AMER2: variants seen among roughly 807,000 people sequenced by gnomAD.
AMER2 encodes the protein APC membrane recruitment protein 2, also known as family with sequence similarity 123A.
In AMER2, 1 loss-of-function variant was observed where a neutral mutation model predicts 4.7. That is an observed-to-expected ratio of 0.21 (90% CI 0.07 to 1.00). The LOEUF (loss-of-function observed/expected upper bound fraction) is 1.00. Ranked by LOEUF, AMER2 falls within the 50% of genes least tolerant of loss-of-function variation. AMER2 has a pLI of 0.60. For synonymous variants in AMER2, 485 were observed against 433.3 expected (o/e 1.12, Z -1.48); for missense variants, 988 against 966.9 (o/e 1.02, Z -0.29).
chr13:25,169,638 G>A lies in AMER2; in HGVS notation c.1982C>T (p.Ala661Val). 2 of 1,607,314 alleles carry A rather than the reference G, an allele frequency of 1.2e-6. No individual in the cohort carries two copies. The highest frequency in any genetic ancestry group is 1.1e-5 in the South Asian group (1 of 89,768). ...NRGLAGTTIRATACHDSAKKL is the reference protein window; with the variant it reads ...NRGLAGTTIRVTACHDSAKKL ...TTTGGCACTGTCGTGGCAGGCCGTT[G>A]CTCTGATGGTGGTCCCAGCCAAGCC... is the stretch of plus-strand genomic sequence containing the variant. The change falls in exon 1 of 1, where the codon GCA becomes GTA. Residue 661 changes from alanine (A) to valine (V), a missense_variant. By Grantham distance (64) the Ala-to-Val change is moderately conservative. Coordinates refer to ENST00000515384, the MANE Select transcript of AMER2 (RefSeq NM_152704.4). This position sits in a 1 kb window ranked among gnomAD's most constrained non-coding sequence, Gnocchi z 4.2.
rs759614388 is a variant in AMER2, at chr13:25,171,505, GGGTCCC to G, written c.109_114del (p.Gly37_Thr38del). ...CAATGCAAGTCCATGTCTGCCGCGA[GGGTCCC>G]GGTCCCGGCCCCGGCCTCCGCCTTC... On this transcript the variant is annotated inframe_deletion, in exon 1 of 1. Transcript: ENST00000515384. The surrounding 1 kb of genome is among the most constrained non-coding windows in gnomAD (Gnocchi z 5.9). The G allele has an allele frequency of 3.7e-5, 60 of 1,603,828 alleles. No individual in the cohort carries two copies. Among genetic ancestry groups the G allele is most frequent in the Non-Finnish European group, 4.7e-5 (55 of 1,177,940 alleles).
In AMER2 at chr13:25,170,837, A is replaced by G; in HGVS notation, c.783T>C (p.Gly261=). The part of the protein sequence containing the change: ...PSQDAPRDPA[G]EPAGGEEVPA... ...GCACCTCCTCTCCCCCTGCGGGCTC[A>G]CCTGCTGGGTCTCGCGGGGCGTCCT... is the stretch of plus-strand genomic sequence containing the variant. The change falls in exon 1 of 1, where the codon GGT becomes GGC. Residue 261 remains glycine, a synonymous_variant. Transcript: ENST00000515384. The surrounding 1 kb of genome is among the most constrained non-coding windows in gnomAD (Gnocchi z 7.3). The G allele has an allele frequency of 7.0e-7, 1 of 1,434,754 alleles. No homozygotes were observed. The highest frequency in any genetic ancestry group is 9.1e-7 in the Non-Finnish European group (1 of 1,103,208). The allele number at this position is 1,434,754 out of a possible 1,614,324, so 88.9% of individuals were successfully genotyped here.
Position 25,164,782 on chromosome 13 carries a change from G to C in AMER2, c.*4822C>G, listed in dbSNP as rs1282717508. On this transcript the variant is annotated 3_prime_UTR_variant, in exon 1 of 1. Transcript: ENST00000515384. The stretch of plus-strand genomic sequence containing the variant: ...CCATTGTTACATTTACTATTTTTTA[G>C]AGGCATTTGTGTGGCTTAATTCATA... The C allele has an allele frequency of 1.3e-5, 2 of 152,126 alleles. No individual in the cohort carries two copies. Among genetic ancestry groups the C allele is most frequent in the Non-Finnish European group, 1.5e-5 (1 of 68,048 alleles). The allele number at this position is 152,126 out of a possible 1,614,324, so 9.4% of individuals were successfully genotyped here. A position where few individuals can be genotyped will look rare whatever the true frequency, so the allele number is the denominator to read the frequency against.
rs1252829016 is a variant in AMER2 at position 25,165,439 on chromosome 13, ACTACCC to A, written c.*4159_*4164del. 1 of 152,270 alleles carries A rather than the reference ACTACCC, an allele frequency of 6.6e-6. No homozygotes were observed. Among genetic ancestry groups the A allele is most frequent in the East Asian group, 1.9e-4 (1 of 5,200 alleles). 9.4% of individuals were successfully genotyped at this position (152,270 alleles called of 1,614,324 possible). On this transcript the variant is annotated 3_prime_UTR_variant, in exon 1 of 1. Transcript: ENST00000515384. ...GCTCTGTAAGACACTCGTCTACCAT[ACTACCC>A]CTTTGGTTCCAAACTGCTTCATAAA...
rs1349890876 is a variant in AMER2, at chr13:25,171,147, G to C, written c.473C>G (p.Ala158Gly). Residue 158 changes from alanine to glycine, a missense_variant, in exon 1 of 1, where the codon GCC (alanine) becomes GGC (glycine). Coordinates refer to ENST00000515384, the MANE Select transcript of AMER2 (RefSeq NM_152704.4). The surrounding 1 kb of genome is among the most constrained non-coding windows in gnomAD (Gnocchi z 5.9). ...GGGSLASSSV[A>G]KSHSFFSLLK... ...CAGCGAGAAGAAGCTGTGCGACTTG[G>C]CCACCGAGCTGCTGGCGAGGGAGCC... 6 of 1,545,606 alleles carry C rather than the reference G, an allele frequency of 3.9e-6. No homozygotes were observed. Among genetic ancestry groups the C allele is most frequent in the Non-Finnish European group, 5.2e-6 (6 of 1,146,438 alleles).
Position 25,170,847 on chromosome 13 carries a change from T to G in AMER2, c.773A>C (p.Asp258Ala). The G allele has an allele frequency of 6.9e-7, 1 of 1,445,266 alleles. No individual in the cohort carries two copies. Among genetic ancestry groups the G allele is most frequent in the Non-Finnish European group, 9.0e-7 (1 of 1,108,246 alleles). 89.5% of individuals were successfully genotyped at this position (1,445,266 alleles called of 1,614,324 possible). Residue 258 changes from aspartate to alanine, a missense_variant, in exon 1 of 1, where the codon GAC becomes GCC. Asp to Ala is a moderately radical substitution (Grantham distance 126). Coordinates refer to ENST00000515384, the MANE Select transcript of AMER2 (RefSeq NM_152704.4). The surrounding 1 kb of genome is among the most constrained non-coding windows in gnomAD (Gnocchi z 7.3). Reference protein sequence around the residue: ...PEEPSQDAPRDPAGEPAGGEE... With the variant: ...PEEPSQDAPRAPAGEPAGGEE... ...TCCCCCTGCGGGCTCACCTGCTGGGTCTCGCGGGGCGTCCTGGCTGGGCTC... is the reference window on the plus strand; with the variant it reads ...TCCCCCTGCGGGCTCACCTGCTGGGGCTCGCGGGGCGTCCTGGCTGGGCTC...
Position 25,165,530 on chromosome 13 carries a change from T to C in AMER2, c.*4074A>G, listed in dbSNP as rs1380938478. Reference sequence around the variant, plus strand: ...GCTGAGTTTACACAAATTACAACTGTTCTTTTCCTTGCTCTGCCTGGAGGA... The same window carrying C: ...GCTGAGTTTACACAAATTACAACTGCTCTTTTCCTTGCTCTGCCTGGAGGA... On this transcript the variant is annotated 3_prime_UTR_variant, in exon 1 of 1. Transcript: ENST00000515384. The C allele has an allele frequency of 6.6e-6, 1 of 152,238 alleles. No individual in the cohort carries two copies. The highest frequency in any genetic ancestry group is 2.4e-5 in the African/African-American group (1 of 41,458). 9.4% of individuals were successfully genotyped at this position (152,238 alleles called of 1,614,324 possible).
chr13:25,168,691 G>T lies in AMER2; in HGVS notation c.*913C>A, dbSNP rs1252450791. Reference sequence around the variant, plus strand: ...TTATCCAGAATAATTCTATTGAATTGACTGATTACAAAATGTTAACAGCTG... The same window carrying T: ...TTATCCAGAATAATTCTATTGAATTTACTGATTACAAAATGTTAACAGCTG... On this transcript the variant is annotated 3_prime_UTR_variant, in exon 1 of 1. Coordinates refer to ENST00000515384, the MANE Select transcript of AMER2 (RefSeq NM_152704.4). 1 of 152,536 alleles carries T rather than the reference G, an allele frequency of 6.6e-6. No homozygotes were observed. Among genetic ancestry groups the T allele is most frequent in the Non-Finnish European group, 1.5e-5 (1 of 68,022 alleles). The allele number at this position is 152,536 out of a possible 1,614,324, so 9.4% of individuals were successfully genotyped here. A position where few individuals can be genotyped will look rare whatever the true frequency, so the allele number is the denominator to read the frequency against.
In AMER2 at chr13:25,171,170, G is replaced by T. The variant is rs1566016722; in HGVS notation, c.450C>A (p.Gly150=). ...GPPRAAGPGG[G]SLASSSVAKS... is the part of the protein sequence containing the mutation. ...TGGCCACCGAGCTGCTGGCGAGGGAGCCCCCGCCGGGCCCTGCGGCTCTGG... is the reference window on the plus strand; with the variant it reads ...TGGCCACCGAGCTGCTGGCGAGGGATCCCCCGCCGGGCCCTGCGGCTCTGG... The change falls in exon 1 of 1, where the codon GGC becomes GGA. Residue 150 remains glycine (G), a synonymous_variant. Coordinates refer to ENST00000515384, the MANE Select transcript of AMER2 (RefSeq NM_152704.4). This position sits in a 1 kb window ranked among gnomAD's most constrained non-coding sequence, Gnocchi z 5.9. The T allele has an allele frequency of 2.0e-6, 3 of 1,530,018 alleles. No individual in the cohort carries two copies. Among genetic ancestry groups the T allele is most frequent in the Non-Finnish European group, 8.8e-7 (1 of 1,139,156 alleles). The allele number at this position is 1,530,018 out of a possible 1,614,324, so 94.8% of individuals were successfully genotyped here.
chr13:25,170,913 C>A lies in AMER2; in HGVS notation c.707G>T (p.Cys236Phe). ...GGCTCTGGGCGTCTCCTCCTTGACGCACTCCAGGCTGGCGGTGAGCGAGCC... is the reference window on the plus strand; with the variant it reads ...GGCTCTGGGCGTCTCCTCCTTGACGAACTCCAGGCTGGCGGTGAGCGAGCC... Reference protein sequence around the residue: ...LPGSLTASLECVKEETPRAAR... With the variant: ...LPGSLTASLEFVKEETPRAAR... Residue 236 changes from cysteine to phenylalanine, a missense_variant, in exon 1 of 1, where the codon TGC becomes TTC. Coordinates refer to ENST00000515384, the MANE Select transcript of AMER2 (RefSeq NM_152704.4). The surrounding 1 kb of genome is among the most constrained non-coding windows in gnomAD (Gnocchi z 7.3). 1 of 1,476,472 alleles carries A rather than the reference C, an allele frequency of 6.8e-7. No individual in the cohort carries two copies. The highest frequency in any genetic ancestry group is 2.7e-5 in the East Asian group (1 of 36,792). The allele number at this position is 1,476,472 out of a possible 1,614,324, so 91.5% of individuals were successfully genotyped here.
rs1314775543 is a variant in AMER2 at position 25,169,624 on chromosome 13, C to A, written c.1996G>T (p.Asp666Tyr). 4 of 1,594,648 alleles carry A rather than the reference C, an allele frequency of 2.5e-6. No individual in the cohort carries two copies. Among genetic ancestry groups the A allele is most frequent in the Admixed American group, 3.4e-5 (2 of 58,408 alleles). Residue 666 changes from aspartate to tyrosine, a missense_variant, in exon 1 of 1, where the codon GAC becomes TAC. Coordinates refer to ENST00000515384, the MANE Select transcript of AMER2 (RefSeq NM_152704.4). The surrounding 1 kb of genome is among the most constrained non-coding windows in gnomAD (Gnocchi z 4.2). ...GTTIRATACHDSAKKL is the reference protein window; with the variant it reads ...GTTIRATACHYSAKKL ...AGACCTCACAACTTTTTGGCACTGT[C>A]GTGGCAGGCCGTTGCTCTGATGGTG...
rs1956577321 is a variant in AMER2 at position 25,171,451 on chromosome 13, C to T, written c.169G>A (p.Glu57Lys). ...TTATTAATCTTCCCCGACGGCGGCT[C>T]GGCGGCCGGCGTTTCGGCGGCACAG... ...CDCAAETPAAEPPSGKINKAA... is the reference protein window; with the variant it reads ...CDCAAETPAAKPPSGKINKAA... The change falls in exon 1 of 1, where the codon GAG becomes AAG. Residue 57 changes from glutamate to lysine, a missense_variant. Physicochemically the swap from Glu to Lys is moderately conservative, Grantham distance 56 (BLOSUM62 1). Coordinates refer to ENST00000515384, the MANE Select transcript of AMER2 (RefSeq NM_152704.4). The surrounding 1 kb of genome is among the most constrained non-coding windows in gnomAD (Gnocchi z 5.9). The T allele has an allele frequency of 6.2e-7, 1 of 1,611,638 alleles. No individual in the cohort carries two copies. The highest frequency in any genetic ancestry group is 8.5e-7 in the Non-Finnish European group (1 of 1,179,326).
chr13:25,162,116 C>T lies in AMER2; in HGVS notation c.*7488G>A, dbSNP rs1383520618. 2 of 152,284 alleles carry T rather than the reference C, an allele frequency of 1.3e-5. No individual in the cohort carries two copies. The highest frequency in any genetic ancestry group is 4.8e-5 in the African/African-American group (2 of 41,552). 9.4% of individuals were successfully genotyped at this position (152,284 alleles called of 1,614,324 possible). A position where few individuals can be genotyped will look rare whatever the true frequency, so the allele number is the denominator to read the frequency against. ...AAAATAACATCTATAAACCTACTAA[C>T]AATTTTCCTCCTGTGCACAAAAATA... On this transcript the variant is annotated 3_prime_UTR_variant, in exon 1 of 1. Coordinates refer to ENST00000515384, the MANE Select transcript of AMER2 (RefSeq NM_152704.4).
rs1173258926 is a variant in AMER2 at position 25,170,520 on chromosome 13, GA to G, written c.1099del (p.Ser367LeufsTer3). On this transcript the variant is annotated frameshift_variant, in exon 1 of 1. Transcript: ENST00000515384. LOFTEE classifies it low-confidence loss of function (END_TRUNC). This position sits in a 1 kb window ranked among gnomAD's most constrained non-coding sequence, Gnocchi z 7.3. Reference sequence around the variant, plus strand: ...AAAGCTTTTCAGTGAAGTCACGTCAGAAAACATCAAACAAATACGATCTGCC... The same window carrying G: ...AAAGCTTTTCAGTGAAGTCACGTCAGAAACATCAAACAAATACGATCTGCC... ...PSADRICLMF[S>X]DVTSLKSFDS... The G allele has an allele frequency of 6.2e-7, 1 of 1,614,088 alleles. No individual in the cohort carries two copies. Among genetic ancestry groups the G allele is most frequent in the Non-Finnish European group, 8.5e-7 (1 of 1,180,034 alleles).
rs953205326 is a variant in AMER2 at position 25,163,687 on chromosome 13, G to A, written c.*5917C>T. ...ATGATGGCTGCCAGGGGCTGATGGG[G>A]GAGGAAATGAGGAGCTGCTGTTCAA... On this transcript the variant is annotated 3_prime_UTR_variant, in exon 1 of 1. Transcript: ENST00000515384. 2.0e-5 allele frequency: 3 copies of A among 151,524 alleles called. No individual in the cohort carries two copies. Among genetic ancestry groups the A allele is most frequent in the African/African-American group, 7.3e-5 (3 of 41,140 alleles). 9.4% of individuals were successfully genotyped at this position (151,524 alleles called of 1,614,324 possible).
In AMER2 at chr13:25,171,222, C is replaced by CCGCCCCCGCCGCTGT. The variant is rs1355130712; in HGVS notation, c.383_397dup (p.Asp128_Gly132dup). 19 of 1,373,706 alleles carry CCGCCCCCGCCGCTGT rather than the reference C, an allele frequency of 1.4e-5. No individual in the cohort carries two copies. The East Asian group carries it at 1.8e-4, about 13-fold the overall frequency. 85.1% of individuals were successfully genotyped at this position (1,373,706 alleles called of 1,614,324 possible). A position where few individuals can be genotyped will look rare whatever the true frequency, so the allele number is the denominator to read the frequency against. ...GGGCCCCGGGTTCGGCCGCCCCCCG[C>CCGCCCCCGCCGCTGT]CGCCCCCGCCGCTGTCGCCCCCGCC... is the stretch of plus-strand genomic sequence containing the variant. On this transcript the variant is annotated inframe_insertion, in exon 1 of 1. Coordinates refer to ENST00000515384, the MANE Select transcript of AMER2 (RefSeq NM_152704.4). The surrounding 1 kb of genome is among the most constrained non-coding windows in gnomAD (Gnocchi z 5.9).
chr13:25,170,918 C>T lies in AMER2; in HGVS notation c.702G>A (p.Leu234=), dbSNP rs1003174707. The part of the protein sequence containing the change: ...LILPGSLTAS[L]ECVKEETPRA... ...TGGGCGTCTCCTCCTTGACGCACTC[C>T]AGGCTGGCGGTGAGCGAGCCGGGTA... Residue 234 remains leucine, a synonymous_variant, in exon 1 of 1, where the codon CTG becomes CTA. Transcript: ENST00000515384. This position sits in a 1 kb window ranked among gnomAD's most constrained non-coding sequence, Gnocchi z 7.3. 10 of 1,482,430 alleles carry T rather than the reference C, an allele frequency of 6.7e-6. No homozygotes were observed. Among genetic ancestry groups the T allele is most frequent in the Non-Finnish European group, 8.9e-6 (10 of 1,122,814 alleles). 91.8% of individuals were successfully genotyped at this position (1,482,430 alleles called of 1,614,324 possible). A position where few individuals can be genotyped will look rare whatever the true frequency, so the allele number is the denominator to read the frequency against.
Position 25,171,589 on chromosome 13 carries a change from C to G in AMER2, c.31G>C (p.Gly11Arg), listed in dbSNP as rs770015071. The G allele has an allele frequency of 3.4e-6, 5 of 1,489,468 alleles. No individual in the cohort carries two copies. Among genetic ancestry groups the G allele is most frequent in the East Asian group, 5.1e-5 (2 of 39,454 alleles). The allele number at this position is 1,489,468 out of a possible 1,614,324, so 92.3% of individuals were successfully genotyped here. The change falls in exon 1 of 1, where the codon GGG becomes CGG. Residue 11 changes from glycine to arginine, a missense_variant. Coordinates refer to ENST00000515384, the MANE Select transcript of AMER2 (RefSeq NM_152704.4). This position sits in a 1 kb window ranked among gnomAD's most constrained non-coding sequence, Gnocchi z 5.9. ...GCTCCGCCGCGCTCGCTGACAGCCC[C>G]GCCGCCGCCGCGGCTCCGGCTCGTC... Reference protein sequence around the residue: METSRSRGGGGAVSERGGAGA... With the variant: METSRSRGGGRAVSERGGAGA...
chr13:25,171,021 C>A lies in AMER2; in HGVS notation c.599G>T (p.Gly200Val), dbSNP rs765793824. ...QKRGLRGLFS[G>V]MRWHRKDKRA... Reference sequence around the variant, plus strand: ...CTTGTCTTTCCTGTGCCAGCGCATGCCGCTGAACAGCCCCCGCAGCCCCCG... The same window carrying A: ...CTTGTCTTTCCTGTGCCAGCGCATGACGCTGAACAGCCCCCGCAGCCCCCG... Residue 200 changes from glycine to valine, a missense_variant, in exon 1 of 1, where the codon GGC becomes GTC. Physicochemically the swap from Gly to Val is moderately radical, Grantham distance 109. Transcript: ENST00000515384. This position sits in a 1 kb window ranked among gnomAD's most constrained non-coding sequence, Gnocchi z 5.9. 1 of 1,571,992 alleles carries A rather than the reference C, an allele frequency of 6.4e-7. No homozygotes were observed. The highest frequency in any genetic ancestry group is 8.6e-7 in the Non-Finnish European group (1 of 1,160,700).
Sources: allele counts gnomAD v4.1 joint callset, GRCh38; gene constraint gnomAD v4.1.1; non-coding constraint Gnocchi (gnomAD v3.1); transcripts MANE v1.5; gene names NCBI Gene and HGNC (gene_info 2026-07-23, HGNC 2026-07-21).